Variants in WWOX observed in about 807,000 individuals in gnomAD.
The protein encoded by WWOX is WW domain-containing oxidoreductase.
A neutral mutation model predicts 46.2 loss-of-function variants in WWOX; 69 were observed. That is an observed-to-expected ratio of 1.49 (90% CI 1.23 to 1.82). The LOEUF is 1.82. Among genes scored for constraint, WWOX ranks in the 40% most tolerant of loss-of-function variants. WWOX has a pLI of 0.00. For synonymous variants in WWOX, 359 were observed against 202.6 expected (o/e 1.77, Z -6.56); for missense variants, 919 against 542.6 (o/e 1.69, Z -6.89).
intron 5 of WWOX, among the ~76,000 whole-genome samples, chr16:78,176,067 T>C (rs548726462): frequency 6.6e-6 from 1 of 152,262 alleles, no homozygotes; most frequent in Admixed American, 6.5e-5. Context: ...CCCATCCCAT[T>C]TCTGCACACC....
At chr16:78,117,045 T>G (rs1039720669) in intron 4 of WWOX, among the ~76,000 whole-genome samples, 3 of 152,224 alleles carry the variant, frequency 2.0e-5, no homozygotes, top group African/African-American at 7.2e-5. Flanking sequence ...ACATAAGTCT[T>G]GATGGAGAGG....
intron 8 of WWOX, among the ~76,000 whole-genome samples, chr16:79,176,233 C>T (rs1567599464): frequency 6.6e-6 from 1 of 152,202 alleles, no homozygotes. Context: ...GTGGGTAGTC[C>T]TGGCCAATGG....
chr16:79,140,476 G>C (rs750374467), intron 8 of WWOX, among the ~76,000 whole-genome samples: 1 of 152,208 alleles, frequency 6.6e-6, no homozygotes, highest in Non-Finnish European at 1.5e-5. Flanking sequence ...GAGAAGTCCA[G>C]TCCTTTTGGA....
Position 78,575,002 on chromosome 16 carries a change from TATATATATATATATATATAA to T in WWOX, c.1056+142270_1056+142289del, listed in dbSNP as rs2044817545. On this transcript the variant is annotated intron_variant, in intron 8 of 8. Coordinates refer to ENST00000566780, the MANE Select transcript of WWOX (RefSeq NM_016373.4). ...ATATTCAATATTTATTTTTCAATTATATATATATATATATATATAAATATATATATATATATATATATATA... is the reference window on the plus strand; with the variant it reads ...ATATTCAATATTTATTTTTCAATTATATATATATATATATATATATATATA... Among the ~76,000 whole-genome samples, 9 of 12,426 alleles carry T rather than the reference TATATATATATATATATATAA, an allele frequency of 7.2e-4. 1 individual carries two copies. Among genetic ancestry groups the T allele is most frequent in the Non-Finnish European group, 1.2e-3 (9 of 7,736 alleles). The allele number at this position is 12,426 out of a possible 152,430, so 8.2% of individuals were successfully genotyped here. A position where few individuals can be genotyped will look rare whatever the true frequency, so the allele number is the denominator to read the frequency against.
chr16:78,436,043 G>T (rs562461424), intron 8 of WWOX, among the ~76,000 whole-genome samples: 1 of 152,142 alleles, frequency 6.6e-6, no homozygotes, highest in African/African-American at 2.4e-5. Context: ...AAAACACCAC[G>T]TGTGCCAAGT....
At chr16:78,160,223 C>T (rs2034747567) in intron 4 of WWOX, among the ~76,000 whole-genome samples, 1 of 151,864 alleles carries the variant, frequency 6.6e-6, no homozygotes, top group South Asian at 2.1e-4. Context: ...CACTCTGTCA[C>T]CCAGGCTGGA....
At chr16:78,626,253 C>T (rs2046309079) in intron 8 of WWOX, among the ~76,000 whole-genome samples, 1 of 152,066 alleles carries the variant, frequency 6.6e-6, no homozygotes, top group Non-Finnish European at 1.5e-5. Flanking sequence ...GCCTCAGCCT[C>T]CTGAGCAGGT....
At chr16:78,319,522 A>G (rs2080422663) in intron 5 of WWOX, among the ~76,000 whole-genome samples, 1 of 151,964 alleles carries the variant, frequency 6.6e-6, no homozygotes, top group African/African-American at 2.4e-5. Flanking sequence ...TTGGCCTCCC[A>G]ATCTGCTGAG....
At chr16:79,127,015 C>T (rs1309702616) in intron 8 of WWOX, among the ~76,000 whole-genome samples, 1 of 151,634 alleles carries the variant, frequency 6.6e-6, no homozygotes, top group Non-Finnish European at 1.5e-5. Context: ...AAACTTATTT[C>T]TTTAATTTTA....
intron 8 of WWOX, among the ~76,000 whole-genome samples, chr16:78,932,127 G>C (rs982622293): frequency 9.9e-5 from 15 of 152,220 alleles, no homozygotes; most frequent in African/African-American, 3.6e-4. Flanking sequence ...TTAGCAGCAT[G>C]AGAACAAACT....
At chr16:78,764,266 C>G (rs1212114017) in intron 8 of WWOX, among the ~76,000 whole-genome samples, 2 of 151,778 alleles carry the variant, frequency 1.3e-5, no homozygotes, top group Admixed American at 1.3e-4. Context: ...GCCAGAATTT[C>G]TCCGTGGGGA....
At chr16:78,438,260 A>G (rs897092507) in intron 8 of WWOX, among the ~76,000 whole-genome samples, 3 of 152,254 alleles carry the variant, frequency 2.0e-5, no homozygotes, top group African/African-American at 7.2e-5. Flanking sequence ...TGAAAAGCAC[A>G]GAAACCTCAT....
At chr16:78,268,832 C>T (rs898414819) in intron 5 of WWOX, among the ~76,000 whole-genome samples, 3 of 152,098 alleles carry the variant, frequency 2.0e-5, no homozygotes, top group Non-Finnish European at 2.9e-5. Context: ...CATTATTATA[C>T]ATTATTTGAA....
chr16:78,924,464 C>G (rs988138908), intron 8 of WWOX, among the ~76,000 whole-genome samples: 6 of 152,174 alleles, frequency 3.9e-5, no homozygotes, highest in Non-Finnish European at 8.8e-5. Flanking sequence ...TAAAATATCT[C>G]ACTTAAAACT....
intron 8 of WWOX, among the ~76,000 whole-genome samples, chr16:78,556,641 C>T (rs1287349737): frequency 6.6e-6 from 1 of 152,142 alleles, no homozygotes; most frequent in Non-Finnish European, 1.5e-5. Flanking sequence ...TTCAACCAAA[C>T]GTACCGGTGT....
chr16:78,195,505 C>T (rs1007948388), intron 5 of WWOX, among the ~76,000 whole-genome samples: 1 of 151,840 alleles, frequency 6.6e-6, no homozygotes. Context: ...ATTGCAGATG[C>T]AGGCTGGACA....
At chr16:79,060,575 C>A (rs1000858617) in intron 8 of WWOX, among the ~76,000 whole-genome samples, 2 of 152,228 alleles carry the variant, frequency 1.3e-5, no homozygotes, top group African/African-American at 2.4e-5. Flanking sequence ...AAGGGCTTGG[C>A]AAACCAAGAA....
chr16:79,047,672 ATTTTTTTTTTTT>A (rs71140858), intron 8 of WWOX, among the ~76,000 whole-genome samples: 47 of 53,522 alleles, frequency 8.8e-4, no homozygotes, highest in African/African-American at 3.1e-3. Context: ...GACTGTCCTG[ATTTTTTTTTTTT>A]TTTTTTTTTT....
intron 8 of WWOX, among the ~76,000 whole-genome samples, chr16:78,987,150 T>C (rs1413271321): frequency 1.3e-5 from 2 of 152,178 alleles, no homozygotes; most frequent in African/African-American, 4.8e-5. Flanking sequence ...ATTTGTAATT[T>C]TCAGAAGCAC....
Sources: gnomAD v4.1 joint callset for allele counts (sites outside exome capture counted in the v4.1 genomes callset) on GRCh38, gnomAD v4.1.1 for gene constraint, MANE v1.5 for transcripts, NCBI Gene and HGNC (gene_info 2026-07-23, HGNC 2026-07-21) for gene names.